The following AUTS2 variants were observed in gnomAD, a reference collection of about 807,000 sequenced individuals.
AUTS2 encodes the protein autism susceptibility gene 2 protein.
AUTS2 carries 17 observed loss-of-function variants against 112.4 expected under a neutral mutation model. The ratio of observed to expected loss-of-function variants is 0.15; its 90% CI spans 0.10 to 0.23. AUTS2 has a LOEUF of 0.23. AUTS2 is among the 10% of genes least tolerant of loss of function. The pLI is 1.00. For synonymous variants in AUTS2, 751 were observed against 702.7 expected, an observed-to-expected ratio of 1.07 and a Z score of -1.09; for missense variants, 1,510 against 1,701.6, an observed-to-expected ratio of 0.89 and a Z score of 1.98.
chr7:70,180,708 T>C (rs994624608), intron 4 of AUTS2, among the ~76,000 whole-genome samples: 25 of 152,180 alleles, frequency 1.6e-4, no homozygotes, highest in African/African-American at 6.0e-4. Flanking sequence ...CATTCTGCCA[T>C]CCCTGCAGCT....
intron 2 of AUTS2, among the ~76,000 whole-genome samples, chr7:70,050,355 CAAA>C (rs60714093): frequency 2.2e-3 from 159 of 72,864 alleles, no homozygotes; most frequent in East Asian, 8.9e-3. Context: ...GACTCTGTCT[CAAA>C]AAAAAAAAAA....
intron 2 of AUTS2, among the ~76,000 whole-genome samples, chr7:70,000,201 A>T (rs544770750): frequency 6.6e-6 from 1 of 152,324 alleles, no homozygotes; most frequent in East Asian, 1.9e-4. Flanking sequence ...ATTCAGTCCG[A>T]TACAGTCAGG....
At chr7:70,179,076 T>A (rs1302575203) in intron 4 of AUTS2, among the ~76,000 whole-genome samples, 1 of 152,134 alleles carries the variant, frequency 6.6e-6, no homozygotes, top group Admixed American at 6.6e-5. Context: ...CCAGAGTCAG[T>A]TGGAATGCAA....
intron 1 of AUTS2, among the ~76,000 whole-genome samples, chr7:69,792,180 T>C (rs1789633401): frequency 6.6e-6 from 1 of 152,180 alleles, no homozygotes; most frequent in Non-Finnish European, 1.5e-5. Context: ...GGAATCATTA[T>C]TATTGTCAGT....
At chr7:70,705,491 A>G (rs989262641) in intron 6 of AUTS2, among the ~76,000 whole-genome samples, 3 of 152,210 alleles carry the variant, frequency 2.0e-5, no homozygotes, top group Admixed American at 6.5e-5. Flanking sequence ...AGCTAACATC[A>G]AAGTATTTTA....
intron 1 of AUTS2, among the ~76,000 whole-genome samples, chr7:69,650,469 C>G (rs951471016): frequency 6.6e-6 from 1 of 152,150 alleles, no homozygotes; most frequent in African/African-American, 2.4e-5. Flanking sequence ...CTGTAAAGTA[C>G]TCTATTGAAG....
At chr7:70,074,295 G>A (rs1562665411) in intron 2 of AUTS2, among the ~76,000 whole-genome samples, 3 of 152,136 alleles carry the variant, frequency 2.0e-5, no homozygotes, top group South Asian at 2.1e-4. Context: ...GAAACTTTTC[G>A]ATATCTGTAA....
chr7:70,351,354 G>A (rs980661555), intron 4 of AUTS2, among the ~76,000 whole-genome samples: 2 of 151,946 alleles, frequency 1.3e-5, no homozygotes, highest in Non-Finnish European at 2.9e-5. Context: ...GCGCCCAGCC[G>A]ATTTCCTTCT....
rs186236614 is a variant in AUTS2 at position 70,061,994 on chromosome 7, G to C, written c.523-56138G>C. Among the ~76,000 whole-genome samples, 997 of 151,714 alleles carry C rather than the reference G, an allele frequency of 6.6e-3. 6 individuals carry two copies. The highest frequency in any genetic ancestry group is 0.012 in the Non-Finnish European group (795 of 67,886). The stretch of plus-strand genomic sequence containing the variant: ...GTAGAGATGGGATTTTGCCATGTTA[G>C]CCAGGCTGGTCTCAAACTCCTGACC... On this transcript the variant is annotated intron_variant, in intron 2 of 18. Coordinates refer to ENST00000342771, the MANE Select transcript of AUTS2 (RefSeq NM_015570.4).
At chr7:69,684,041 A>G (rs1796943391) in intron 1 of AUTS2, among the ~76,000 whole-genome samples, 1 of 152,226 alleles carries the variant, frequency 6.6e-6, no homozygotes, top group Non-Finnish European at 1.5e-5. Flanking sequence ...GGGATGCTTA[A>G]GGGCTTTGCA....
chr7:70,439,538 CAAAA>C (rs71077657), intron 5 of AUTS2, among the ~76,000 whole-genome samples: 2 of 73,308 alleles, frequency 2.7e-5, no homozygotes, highest in Non-Finnish European at 5.1e-5. Context: ...GACTCCATCT[CAAAA>C]AAAAAAAAAA....
At chr7:69,832,098 C>G (rs1003146009) in intron 1 of AUTS2, among the ~76,000 whole-genome samples, 1 of 152,182 alleles carries the variant, frequency 6.6e-6, no homozygotes, top group Admixed American at 6.5e-5. Context: ...TCCCCAGGGG[C>G]TTGAAATACC....
At chr7:70,719,477 C>A (rs1455582494) in intron 6 of AUTS2, among the ~76,000 whole-genome samples, 1 of 149,430 alleles carries the variant, frequency 6.7e-6, no homozygotes, top group African/African-American at 2.5e-5. Context: ...ACCCCACCCA[C>A]CCCCGAAATG....
At chr7:70,285,973 A>G (rs1788438845) in intron 4 of AUTS2, among the ~76,000 whole-genome samples, 1 of 152,240 alleles carries the variant, frequency 6.6e-6, no homozygotes, top group Admixed American at 6.5e-5. Flanking sequence ...CTGTGAATGT[A>G]GACTAGCTTG....
chr7:69,969,316 C>T (rs965472240), intron 2 of AUTS2, among the ~76,000 whole-genome samples: 15 of 152,266 alleles, frequency 9.9e-5, no homozygotes, highest in Admixed American at 8.5e-4. Context: ...AATTACCATG[C>T]TGCTATTCCT....
At chr7:70,628,712 A>G (rs1174752872) in intron 5 of AUTS2, among the ~76,000 whole-genome samples, 1 of 152,148 alleles carries the variant, frequency 6.6e-6, no homozygotes, top group Admixed American at 6.6e-5. Flanking sequence ...CAGGGAGACC[A>G]GTTAGGATGC....
At chr7:69,762,124 T>C (rs575542715) in intron 1 of AUTS2, among the ~76,000 whole-genome samples, 1 of 152,154 alleles carries the variant, frequency 6.6e-6, no homozygotes, top group African/African-American at 2.4e-5. Flanking sequence ...CTGGTCCGGG[T>C]TGAAAGAAGA....
At chr7:70,686,894 G>A (rs1031996241) in intron 5 of AUTS2, among the ~76,000 whole-genome samples, 1 of 152,126 alleles carries the variant, frequency 6.6e-6, no homozygotes, top group Non-Finnish European at 1.5e-5. Flanking sequence ...ATTTAGCAGT[G>A]GGGAGTTGTC....
intron 6 of AUTS2, among the ~76,000 whole-genome samples, chr7:70,719,315 C>T (rs753247318): frequency 6.6e-6 from 1 of 152,162 alleles, no homozygotes; most frequent in Non-Finnish European, 1.5e-5. Context: ...ACAAGAGTAT[C>T]GCCTTCCAAA....
Sources: gnomAD v4.1 joint callset for allele counts (sites outside exome capture counted in the v4.1 genomes callset) on GRCh38, gnomAD v4.1.1 for gene constraint, MANE v1.5 for transcripts, NCBI Gene and HGNC (gene_info 2026-07-23, HGNC 2026-07-21) for gene names.